CNGB3: variants seen among roughly 807,000 people sequenced by gnomAD.
The protein encoded by CNGB3 is cyclic nucleotide gated channel subunit beta 3.
Under a neutral mutation model 92.8 loss-of-function variants are expected in CNGB3, and 86 were observed. The observed-to-expected ratio is 0.93, with a 90% CI of 0.78 to 1.11. CNGB3 has a LOEUF of 1.11. Among genes scored for constraint, CNGB3 ranks in the 50% least tolerant of loss-of-function variants. CNGB3 has a pLI of 0.00. For synonymous variants in CNGB3, 333 were observed against 332.7 expected (o/e 1.00, Z -0.01); for missense variants, 1,026 against 956.8 (o/e 1.07, Z -0.95).
intron 3 of CNGB3, among the ~76,000 whole-genome samples, chr8:86,713,221 A>G (rs1362274627): frequency 6.6e-6 from 1 of 152,184 alleles, no homozygotes; most frequent in Non-Finnish European, 1.5e-5. Context: ...AATATATTCA[A>G]TATGATGGGC....
chr8:86,693,309 C>T lies in CNGB3; in HGVS notation c.339-22211G>A, dbSNP rs578223882. ...ACTAAGGAAGTTTGCCTTGATTAGT[C>T]CCTCATATAAGTTTTCCAAACTTTT... On this transcript the variant is annotated intron_variant, in intron 3 of 17. Transcript: ENST00000320005. Among the ~76,000 whole-genome samples the T allele has an allele frequency of 3.4e-4, 51 of 151,948 alleles. No homozygotes were observed. The South Asian group carries it at 0.01, about 31-fold the overall frequency.
rs147636123 is a variant in CNGB3, at chr8:86,652,056, T to C, written c.903+1956A>G. Reference sequence around the variant, plus strand: ...CTAGGCTACAGGCCTAGGAGCATGTTACTGTACAGCATGCTCTGTATATTA... The same window carrying C: ...CTAGGCTACAGGCCTAGGAGCATGTCACTGTACAGCATGCTCTGTATATTA... On this transcript the variant is annotated intron_variant, in intron 7 of 17. Transcript: ENST00000320005. Among the ~76,000 whole-genome samples the C allele has an allele frequency of 3.3e-3, 495 of 152,096 alleles. 1 individual carries two copies. The highest frequency in any genetic ancestry group is 0.011 in the African/African-American group (471 of 41,552).
intron 13 of CNGB3, among the ~76,000 whole-genome samples, chr8:86,615,056 A>AT (rs1822590819): frequency 6.6e-6 from 1 of 152,298 alleles, no homozygotes; most frequent in South Asian, 2.1e-4. Flanking sequence ...TATAACTACT[A>AT]TTTACATTGC....
In CNGB3 at chr8:86,575,070, G is replaced by T. The variant is rs1358830532; in HGVS notation, c.*734C>A. 1 of 152,112 alleles carries T rather than the reference G, an allele frequency of 6.6e-6. No homozygotes were observed. Among genetic ancestry groups the T allele is most frequent in the Non-Finnish European group, 1.5e-5 (1 of 68,026 alleles). 9.4% of individuals were successfully genotyped at this position (152,112 alleles called of 1,614,324 possible). ...TTGAGCCAGATGAGTTAGGTAGATTGGTGTCTTTTAAGTTGGTTAGAAGAG... is the reference window on the plus strand; with the variant it reads ...TTGAGCCAGATGAGTTAGGTAGATTTGTGTCTTTTAAGTTGGTTAGAAGAG... On this transcript the variant is annotated 3_prime_UTR_variant, in exon 18 of 18. Coordinates refer to ENST00000320005, the MANE Select transcript of CNGB3 (RefSeq NM_019098.5).
At chr8:86,644,029 T>C (rs888412856) in intron 9 of CNGB3, among the ~76,000 whole-genome samples, 156 bp from the exon 10 acceptor site, 1 of 150,892 alleles carries the variant, frequency 6.6e-6, no homozygotes, top group East Asian at 1.9e-4. Flanking sequence ...ATGGTGCCAT[T>C]GCATGTTTTC....
At chr8:86,736,750 T>TA (rs373572014) in intron 2 of CNGB3, among the ~76,000 whole-genome samples, 155 of 147,568 alleles carry the variant, frequency 1.1e-3, no homozygotes, top group African/African-American at 2.6e-3. Flanking sequence ...CAATTACTGA[T>TA]AAAAAAAAAA....
In CNGB3 at chr8:86,576,053, T is replaced by C. The variant is rs1821654785; in HGVS notation, c.2181A>G (p.Gln727=). 6.2e-7 allele frequency: 1 copy of C among 1,602,052 alleles called. No homozygotes were observed. Among genetic ancestry groups the C allele is most frequent in the African/African-American group, 1.4e-5 (1 of 73,112 alleles). ...CTTTTCCTTTATCTTCATTTTCTTT[T>C]TGTTTATCTTCATTTTCTTTTTGTT... is the stretch of plus-strand genomic sequence containing the variant. The part of the protein sequence containing the change: ...EDKQKENEDK[Q]KENEDKGKEN... The change falls in exon 18 of 18, where the codon CAA becomes CAG. Residue 727 remains glutamine, a synonymous_variant. Transcript: ENST00000320005.
At chr8:86,680,399 A>G (rs551230199) in intron 3 of CNGB3, among the ~76,000 whole-genome samples, 1 of 152,334 alleles carries the variant, frequency 6.6e-6, no homozygotes, top group African/African-American at 2.4e-5. Flanking sequence ...CAGTCACAGG[A>G]GACGTTCATT....
In CNGB3 at chr8:86,578,785, T is replaced by C. The variant is rs147991883; in HGVS notation, c.2007A>G (p.Lys669=). Residue 669 remains lysine (K), a synonymous_variant, in exon 17 of 18, where the codon AAA becomes AAG. Transcript: ENST00000320005. The stretch of plus-strand genomic sequence containing the variant: ...TTTTAAACAGTTTGGGTGTCTCTTC[T>C]TTCGGTGGGAAGAGGAGGGCAAGAT... ...RKDLALLFPP[K]EETPKLFKTL... 1.1e-4 allele frequency: 175 copies of C among 1,614,172 alleles called. 1 individual carries two copies. The African/African-American group carries it at 2.0e-3, about 18-fold the overall frequency.
At chr8:86,665,971 C>T (rs1823733549) in intron 6 of CNGB3, among the ~76,000 whole-genome samples, 1 of 152,220 alleles carries the variant, frequency 6.6e-6, no homozygotes, top group South Asian at 2.1e-4. Flanking sequence ...GCCTAAAACC[C>T]TGTGCTTGAT....
intron 6 of CNGB3, chr8:86,659,779 C>T (rs1212244487): frequency 1.2e-4 from 46 of 374,720 alleles, no homozygotes; most frequent in South Asian, 8.7e-4. Flanking sequence ...CCTTTGGCTC[C>T]CTGCTTTCAG....
chr8:86,586,112 G>T (rs79924246), intron 15 of CNGB3, among the ~76,000 whole-genome samples: 1 of 152,112 alleles, frequency 6.6e-6, no homozygotes, highest in Non-Finnish European at 1.5e-5. Context: ...TGTATAAATG[G>T]AAAAGAAAAG....
intron 3 of CNGB3, among the ~76,000 whole-genome samples, chr8:86,700,170 T>A (rs915809365): frequency 2.0e-5 from 3 of 152,238 alleles, no homozygotes; most frequent in Admixed American, 1.3e-4. Flanking sequence ...ATGTTTTTTT[T>A]AAATTGGTTT....
chr8:86,666,956 C>T lies in CNGB3; in HGVS notation c.821G>A (p.Arg274Lys), dbSNP rs769850965. ...GTCTCCTCCTCTTACAAACTGGAGT[C>T]TGGGCTGGATAAATAGCATATCATA... Reference protein sequence around the residue: ...YLYDMLFIQPRLQFVRGGDII... With the variant: ...YLYDMLFIQPKLQFVRGGDII... The change falls in exon 6 of 18, where the codon AGA (arginine) becomes AAA (lysine). Residue 274 changes from arginine to lysine, a missense_variant. Arg to Lys is a conservative substitution (Grantham distance 26). Coordinates refer to ENST00000320005, the MANE Select transcript of CNGB3 (RefSeq NM_019098.5). The T allele has an allele frequency of 6.2e-7, 1 of 1,612,810 alleles. No homozygotes were observed. Among genetic ancestry groups the T allele is most frequent in the Non-Finnish European group, 8.5e-7 (1 of 1,179,832 alleles).
At chr8:86,672,908 C>G (rs997125240) in intron 3 of CNGB3, among the ~76,000 whole-genome samples, 1 of 152,110 alleles carries the variant, frequency 6.6e-6, no homozygotes, top group Non-Finnish European at 1.5e-5. Flanking sequence ...TGGTAGAGAC[C>G]AACGGGCAGT....
At chr8:86,716,492 GGAAA>G (rs1824855403) in intron 3 of CNGB3, among the ~76,000 whole-genome samples, 1 of 152,106 alleles carries the variant, frequency 6.6e-6, no homozygotes, top group African/African-American at 2.4e-5. Flanking sequence ...AACTTATAAA[GGAAA>G]ACCTACTAGA....
In CNGB3 at chr8:86,677,754, G is replaced by A. The variant is rs536179469; in HGVS notation, c.339-6656C>T. Among the ~76,000 whole-genome samples the A allele has an allele frequency of 9.2e-5, 14 of 152,264 alleles. 1 individual carries two copies. The South Asian group carries it at 2.9e-3, about 32-fold the overall frequency. Reference sequence around the variant, plus strand: ...ATGCTGCACATAAAGTGAGTAGGATGGGGGCAAGTAAGAGTTCACTGGTCA... The same window carrying A: ...ATGCTGCACATAAAGTGAGTAGGATAGGGGCAAGTAAGAGTTCACTGGTCA... On this transcript the variant is annotated intron_variant, in intron 3 of 17. Transcript: ENST00000320005.
At chr8:86,599,625 G>A (rs370574147) in intron 15 of CNGB3, among the ~76,000 whole-genome samples, 45 of 145,600 alleles carry the variant, frequency 3.1e-4, no homozygotes, top group African/African-American at 1.2e-3. Context: ...CACCTTGGGG[G>A]CGGCTGTCTT....
At chr8:86,611,491 C>A in intron 14 of CNGB3, 97 bp downstream of exon 14, 3 of 909,198 alleles carry the variant, frequency 3.3e-6, no homozygotes, top group Non-Finnish European at 3.7e-6. Context: ...ATGGAATTCA[C>A]CCTGAACAAA....
Sources: gnomAD v4.1 joint callset for allele counts (sites outside exome capture counted in the v4.1 genomes callset) on GRCh38, gnomAD v4.1.1 for gene constraint, MANE v1.5 for transcripts, NCBI Gene and HGNC (gene_info 2026-07-23, HGNC 2026-07-21) for gene names.